FRMPD4: variants seen among roughly 807,000 people sequenced by gnomAD.
FRMPD4 encodes FERM and PDZ domain-containing protein 4.
A neutral mutation model predicts 94.1 loss-of-function variants in FRMPD4; 22 were observed. That is an observed-to-expected ratio of 0.23 (90% CI 0.17 to 0.33). FRMPD4 has a LOEUF of 0.33. FRMPD4 is among the 10% of genes least tolerant of loss of function. FRMPD4 has a pLI of 1.00. For missense variants in FRMPD4, 1,111 were observed against 1,339.9 expected (o/e 0.83, Z 2.67); for synonymous variants, 631 against 548.6 (o/e 1.15, Z -2.10).
rs765138556 is a variant in FRMPD4 at position 12,716,952 on chromosome X, C to T, written c.2493C>T (p.Pro831=). Residue 831 remains proline, a synonymous_variant, in exon 15 of 17, where the codon CCC becomes CCT. Transcript: ENST00000675598. The part of the protein sequence containing the change: ...EDSQSQAASF[P]EDKEKGSSLQ... Reference sequence around the variant, plus strand: ...CTCAGAGCCAGGCAGCTTCCTTCCCCGAGGACAAGGAGAAAGGCAGCAGCC... The same window carrying T: ...CTCAGAGCCAGGCAGCTTCCTTCCCTGAGGACAAGGAGAAAGGCAGCAGCC... 17 of 1,209,993 alleles carry T rather than the reference C, an allele frequency of 1.4e-5. No homozygotes were observed. The East Asian group carries it at 1.5e-4, about 11-fold the overall frequency.
At chrX:12,660,867 T>C (rs1195290926) in intron 4 of FRMPD4, among the ~76,000 whole-genome samples, 2 of 111,787 alleles carry the variant, frequency 1.8e-5, no homozygotes, top group African/African-American at 6.5e-5. Flanking sequence ...CCAAGATGGC[T>C]TCTTTTGTCA....
intron 1 of FRMPD4, among the ~76,000 whole-genome samples, chrX:12,289,201 C>A (rs2054648840): frequency 9.0e-6 from 1 of 111,384 alleles, no homozygotes; most frequent in Admixed American, 9.5e-5. Context: ...TTTTTAAATG[C>A]CAGCCTTGCC....
chrX:11,952,285 G>C (rs758319959), intron 3 of FRMPD4, among the ~76,000 whole-genome samples: 12 of 112,069 alleles, frequency 1.1e-4, no homozygotes, highest in Non-Finnish European at 2.3e-4. Flanking sequence ...ACAAGAAGCA[G>C]GCTCCTTCCC....
chrX:12,146,366 A>G (rs1569168921), intron 1 of FRMPD4, among the ~76,000 whole-genome samples: 2 of 92,877 alleles, frequency 2.2e-5, no homozygotes, highest in African/African-American at 3.9e-5. Context: ...CTCTGTCTCA[A>G]AAAAAAAAAG....
chrX:12,360,236 C>T (rs2055963704), intron 1 of FRMPD4, among the ~76,000 whole-genome samples: 1 of 111,705 alleles, frequency 9.0e-6, no homozygotes, highest in Admixed American at 9.5e-5. Context: ...CCATGTATGT[C>T]TCAGTGTGAA....
At chrX:11,889,266 G>A (rs1290389420) in intron 3 of FRMPD4, among the ~76,000 whole-genome samples, 2 of 111,873 alleles carry the variant, frequency 1.8e-5, no homozygotes, top group African/African-American at 6.5e-5. Context: ...CTTAGACTGG[G>A]CTACATCCCA....
intron 2 of FRMPD4, among the ~76,000 whole-genome samples, chrX:12,512,310 C>A (rs1004654251): frequency 8.9e-6 from 1 of 111,885 alleles, no homozygotes; most frequent in Admixed American, 9.4e-5. Context: ...TTGCACCTAT[C>A]AACCCATCAC....
chrX:12,358,336 G>T (rs2055927049), intron 1 of FRMPD4, among the ~76,000 whole-genome samples: 1 of 111,225 alleles, frequency 9.0e-6, no homozygotes, highest in South Asian at 3.8e-4. Context: ...TCCTATCTGG[G>T]GCAAATTATT....
At chrX:11,923,026 A>G (rs1026780231) in intron 3 of FRMPD4, among the ~76,000 whole-genome samples, 2 of 112,761 alleles carry the variant, frequency 1.8e-5, no homozygotes, top group Admixed American at 9.2e-5. Flanking sequence ...ATGCCTGACC[A>G]GTGGAGCGCT....
intron 1 of FRMPD4, among the ~76,000 whole-genome samples, chrX:12,319,898 G>A (rs752146153): frequency 8.9e-6 from 1 of 111,837 alleles, no homozygotes; most frequent in South Asian, 3.8e-4. Flanking sequence ...AAATGTCAAG[G>A]GAAGATGATC....
Position 12,721,221 on chromosome X carries a change from C to T in FRMPD4, c.4652C>T (p.Ala1551Val). ...CCAAGCAGCCCATGCCTGGCTGTGG[C>T]GATTCAGAAGCAACGAGGGGAGCTA... ...PEPSSPCLAV[A>V]IQKQRGELSR... The change falls in exon 17 of 17, where the codon GCG becomes GTG. Residue 1551 changes from alanine to valine, a missense_variant. Transcript: ENST00000675598. The T allele has an allele frequency of 1.3e-6, 1 of 755,876 alleles. No homozygotes were observed. Among genetic ancestry groups the T allele is most frequent in the African/African-American group, 2.3e-5 (1 of 43,733 alleles). 62.3% of individuals were successfully genotyped at this position (755,876 alleles called of 1,213,427 possible). A position where few individuals can be genotyped will look rare whatever the true frequency, so the allele number is the denominator to read the frequency against.
chrX:12,353,102 G>T (rs2055840425), intron 1 of FRMPD4, among the ~76,000 whole-genome samples: 1 of 111,875 alleles, frequency 8.9e-6, no homozygotes, highest in African/African-American at 3.3e-5. Context: ...GGGTTGGCTG[G>T]CTTTCAGGAC....
chrX:12,634,824 CTTTTTTTTTTTT>C (rs780126204), intron 4 of FRMPD4, among the ~76,000 whole-genome samples: 40 of 52,215 alleles, frequency 7.7e-4, no homozygotes, highest in African/African-American at 3.2e-3. Context: ...GTCCATCTCT[CTTTTTTTTTTTT>C]TTTTTTTTTT....
intron 1 of FRMPD4, among the ~76,000 whole-genome samples, chrX:12,178,839 T>C (rs1201784770): frequency 1.8e-5 from 2 of 111,887 alleles, no homozygotes; most frequent in Admixed American, 9.4e-5. Flanking sequence ...ATGCATTTAA[T>C]TGTGGAGTAA....
intron 1 of FRMPD4, among the ~76,000 whole-genome samples, chrX:11,824,613 A>G (rs1183433565): frequency 2.7e-5 from 3 of 112,002 alleles, no homozygotes; most frequent in East Asian, 2.8e-4. Context: ...TCACTATTTT[A>G]GGCTGAGAAT....
At chrX:12,021,814 C>A (rs953470728) in intron 3 of FRMPD4, among the ~76,000 whole-genome samples, 1 of 111,876 alleles carries the variant, frequency 8.9e-6, no homozygotes, top group Admixed American at 9.5e-5. Flanking sequence ...CATTTTGGAG[C>A]CTTAAGTCTT....
intron 1 of FRMPD4, among the ~76,000 whole-genome samples, chrX:12,194,404 A>G (rs1459579730): frequency 1.9e-5 from 2 of 102,708 alleles, no homozygotes; most frequent in African/African-American, 7.0e-5. Flanking sequence ...CCATATACAC[A>G]TCACTGTTTT....
chrX:12,230,449 C>T (rs767889716), intron 1 of FRMPD4, among the ~76,000 whole-genome samples: 5 of 111,337 alleles, frequency 4.5e-5, no homozygotes, highest in African/African-American at 6.5e-5. Context: ...ACAGTGTCTC[C>T]ATCATGTTTT....
intron 3 of FRMPD4, among the ~76,000 whole-genome samples, chrX:12,032,637 A>C (rs1216538452): frequency 8.9e-6 from 1 of 111,991 alleles, no homozygotes; most frequent in Non-Finnish European, 1.9e-5. Context: ...ATTGGACTGA[A>C]ATGGTTTCTA....
Sources: gnomAD v4.1 joint callset for allele counts (sites outside exome capture counted in the v4.1 genomes callset) on GRCh38, gnomAD v4.1.1 for gene constraint, MANE v1.5 for transcripts, NCBI Gene and HGNC (gene_info 2026-07-23, HGNC 2026-07-21) for gene names.